TIGAR: variants seen among roughly 807,000 people sequenced by gnomAD.
The protein encoded by TIGAR is fructose-2,6-bisphosphatase TIGAR.
A neutral mutation model predicts 17.9 loss-of-function variants in TIGAR; 7 were observed. The observed-to-expected ratio is 0.39, with a 90% CI of 0.22 to 0.73. TIGAR has a LOEUF of 0.73. TIGAR is among the 30% of genes least tolerant of loss of function. The probability of loss-of-function intolerance (pLI) is 0.42; values close to 1 mark genes in which losing one functional copy is unlikely to be tolerated. For synonymous variants in TIGAR, 94 were observed against 108.6 expected (o/e 0.87, Z 0.84); for missense variants, 258 against 327.4 (o/e 0.79, Z 1.64).
intron 1 of TIGAR, chr12:4,324,735 TC>T (rs1360484529): frequency 3.6e-5 from 14 of 387,980 alleles, no homozygotes; most frequent in African/African-American, 1.4e-4. Context: ...ACACGTCCCG[TC>T]CCGCAGCTGG....
intron 1 of TIGAR, among the ~76,000 whole-genome samples, chr12:4,328,783 G>C (rs781615184): frequency 3.1e-4 from 47 of 151,430 alleles, no homozygotes; most frequent in Non-Finnish European, 4.9e-4. Flanking sequence ...CACCTTGTTG[G>C]CCAGGCTGGT....
chr12:4,328,364 G>A (rs1309078851), intron 1 of TIGAR, among the ~76,000 whole-genome samples: 1 of 151,752 alleles, frequency 6.6e-6, no homozygotes, highest in Non-Finnish European at 1.5e-5. Flanking sequence ...GCTAATTTTT[G>A]TATTTTTAGT....
chr12:4,336,807 C>T (rs949536488), intron 2 of TIGAR, among the ~76,000 whole-genome samples: 3 of 152,152 alleles, frequency 2.0e-5, no homozygotes, highest in Admixed American at 6.5e-5. Flanking sequence ...TCATCATCAC[C>T]TAATTCCCAT....
At position 4,333,617 on chromosome 12, in the gene TIGAR, C is replaced by T. The variant is rs191987044; in HGVS notation, c.70+2300C>T. ...CTGAGTAGCTGGGATTACAGGTGCA[C>T]ACTACCAGGCTCGGCTAGTTTTTGT... is the stretch of plus-strand genomic sequence containing the variant. On this transcript the variant is annotated intron_variant, in intron 2 of 5. Transcript: ENST00000179259. Among the ~76,000 whole-genome samples, 126 of 152,252 alleles carry T rather than the reference C, an allele frequency of 8.3e-4. 3 individuals are homozygous for T. Among genetic ancestry groups the T allele is most frequent in the Non-Finnish European group, 5.9e-5 (4 of 68,010 alleles).
At chr12:4,350,880 G>T (rs1430103240) in intron 4 of TIGAR, among the ~76,000 whole-genome samples, 1 of 152,132 alleles carries the variant, frequency 6.6e-6, no homozygotes, top group Non-Finnish European at 1.5e-5. Context: ...GCTATTTCAT[G>T]GTGCTGTCAT....
intron 1 of TIGAR, among the ~76,000 whole-genome samples, chr12:4,323,945 CT>C (rs35666949): frequency 1.3e-5 from 2 of 152,278 alleles, no homozygotes; most frequent in Admixed American, 6.5e-5. Flanking sequence ...AATGTAATGA[CT>C]TTTTGAAGAG....
intron 1 of TIGAR, among the ~76,000 whole-genome samples, chr12:4,329,644 A>G (rs954255787): frequency 2.6e-5 from 4 of 152,128 alleles, no homozygotes; most frequent in Non-Finnish European, 5.9e-5. Flanking sequence ...GCCACAAATA[A>G]TCTTTTAAAT....
chr12:4,323,565 G>A (rs1252822776), intron 1 of TIGAR, among the ~76,000 whole-genome samples: 1 of 152,202 alleles, frequency 6.6e-6, no homozygotes, highest in African/African-American at 2.4e-5. Context: ...AGCTGAGACA[G>A]AGACGCCTTG....
Position 4,358,803 on chromosome 12 carries a change from C to T in TIGAR, c.*6112C>T, listed in dbSNP as rs1171596036. Among the ~76,000 whole-genome samples, 1 of 149,344 alleles carries T rather than the reference C, an allele frequency of 6.7e-6. No homozygotes were observed. Among genetic ancestry groups the T allele is most frequent in the Non-Finnish European group, 1.5e-5 (1 of 67,598 alleles). On this transcript the variant is annotated 3_prime_UTR_variant, in exon 6 of 6. Coordinates refer to ENST00000179259, the MANE Select transcript of TIGAR (RefSeq NM_020375.3). ...GTTGCATTTAGTTGTCATGTTTCTTCATGTCCTTCCGTCTACTCCTTTGCC... is the reference window on the plus strand; with the variant it reads ...GTTGCATTTAGTTGTCATGTTTCTTTATGTCCTTCCGTCTACTCCTTTGCC...
rs1311126520 is a variant in TIGAR, at chr12:4,355,139, G to A, written c.*2448G>A. Among the ~76,000 whole-genome samples, 1 of 152,110 alleles carries A rather than the reference G, an allele frequency of 6.6e-6. No homozygotes were observed. The highest frequency in any genetic ancestry group is 1.9e-4 in the East Asian group (1 of 5,200). On this transcript the variant is annotated 3_prime_UTR_variant, in exon 6 of 6. Transcript: ENST00000179259. ...ATCTTTAAGAAGACTTCTCTACCAT[G>A]AGGTCATACAGTAATGTCTTCTTAC...
chr12:4,344,794 G>C (rs1197619518), intron 3 of TIGAR, among the ~76,000 whole-genome samples: 4 of 152,104 alleles, frequency 2.6e-5, no homozygotes, highest in African/African-American at 9.7e-5. Context: ...AGAAATAAAG[G>C]GTATTCAATT....
chr12:4,333,328 C>T (rs1864623448), intron 2 of TIGAR, among the ~76,000 whole-genome samples: 1 of 147,524 alleles, frequency 6.8e-6, no homozygotes, highest in Non-Finnish European at 1.5e-5. Flanking sequence ...CTTGCTCTGT[C>T]ACCCAGGGTG....
Position 4,357,919 on chromosome 12 carries a change from C to T in TIGAR, c.*5228C>T, listed in dbSNP as rs1341163310. On this transcript the variant is annotated 3_prime_UTR_variant, in exon 6 of 6. Coordinates refer to ENST00000179259, the MANE Select transcript of TIGAR (RefSeq NM_020375.3). ...GAGATAGAGACCATCCTGGCTAACA[C>T]AGTGAAACCTCGTCTCCACTGAAAA... Among the ~76,000 whole-genome samples the T allele has an allele frequency of 7.3e-5, 11 of 151,582 alleles. No homozygotes were observed. The highest frequency in any genetic ancestry group is 1.3e-4 in the Non-Finnish European group (9 of 67,928).
At chr12:4,331,838 G>A (rs1394251273) in intron 2 of TIGAR, among the ~76,000 whole-genome samples, 1 of 152,166 alleles carries the variant, frequency 6.6e-6, no homozygotes, top group Non-Finnish European at 1.5e-5. Flanking sequence ...GATCCAGCTA[G>A]TCTGGCTTTT....
intron 3 of TIGAR, among the ~76,000 whole-genome samples, chr12:4,347,080 A>G: frequency 6.6e-6 from 1 of 152,242 alleles, no homozygotes; most frequent in Admixed American, 6.5e-5. Flanking sequence ...AAATCAGGAT[A>G]TTGAAGAGAT....
rs116446249 is a variant in TIGAR, at chr12:4,321,249, C to T, written c.-23C>T. ...CAGGGGCAGCGCGGCGCGGGGCCACCGACGGGACGCGGCTCCGGGAACATG... is the reference window on the plus strand; with the variant it reads ...CAGGGGCAGCGCGGCGCGGGGCCACTGACGGGACGCGGCTCCGGGAACATG... On this transcript the variant is annotated 5_prime_UTR_variant, in exon 1 of 6. Transcript: ENST00000179259. The surrounding 1 kb of genome is among the most constrained non-coding windows in gnomAD (Gnocchi z 5.2). The T allele has an allele frequency of 2.0e-3, 3,185 of 1,600,344 alleles. 62 individuals carry two copies. In the African/African-American group the frequency reaches 0.039, roughly 19 times the overall value.
intron 3 of TIGAR, among the ~76,000 whole-genome samples, chr12:4,344,132 A>G (rs527561797): frequency 1.7e-4 from 26 of 152,282 alleles, no homozygotes; most frequent in South Asian, 4.1e-4. Flanking sequence ...TCTAGAAGAA[A>G]TGGATAAATT....
Position 4,355,207 on chromosome 12 carries a change from T to C in TIGAR, c.*2516T>C, listed in dbSNP as rs1482867672. On this transcript the variant is annotated 3_prime_UTR_variant, in exon 6 of 6. Coordinates refer to ENST00000179259, the MANE Select transcript of TIGAR (RefSeq NM_020375.3). ...GAATGTCAAATCTTGAAATTGAAATTTGCTTTTTATAGTATAAGGTAAGAA... is the reference window on the plus strand; with the variant it reads ...GAATGTCAAATCTTGAAATTGAAATCTGCTTTTTATAGTATAAGGTAAGAA... 6.6e-6 allele frequency among the ~76,000 whole-genome samples: 1 copy of C among 152,160 alleles called. No individual in the cohort carries two copies. Among genetic ancestry groups the C allele is most frequent in the Non-Finnish European group, 1.5e-5 (1 of 68,018 alleles).
At chr12:4,331,753 G>T (rs1197640615) in intron 2 of TIGAR, among the ~76,000 whole-genome samples, 1 of 152,132 alleles carries the variant, frequency 6.6e-6, no homozygotes, top group Non-Finnish European at 1.5e-5. Flanking sequence ...TTCACATGTG[G>T]TCGTTACTTT....
Sources: gnomAD v4.1 joint callset for allele counts (sites outside exome capture counted in the v4.1 genomes callset) on GRCh38, gnomAD v4.1.1 for gene constraint, Gnocchi (gnomAD v3.1) non-coding constraint, MANE v1.5 for transcripts, NCBI Gene and HGNC (gene_info 2026-07-23, HGNC 2026-07-21) for gene names.